Variants in LEMD3 observed in about 807,000 individuals in gnomAD.
The protein encoded by LEMD3 is LEM domain containing 3.
Under a neutral mutation model 95.2 loss-of-function variants are expected in LEMD3, and 33 were observed. The observed-to-expected ratio is 0.35, with a 90% CI of 0.26 to 0.46. The LOEUF (loss-of-function observed/expected upper bound fraction) is 0.46, where lower values mean the gene tolerates loss of function less well. Among genes scored for constraint, LEMD3 ranks in the 20% least tolerant of loss-of-function variants. The pLI, the probability that LEMD3 is intolerant of heterozygous loss-of-function variation, is 1.00. For missense variants in LEMD3, 1,210 were observed against 1,192.8 expected, an observed-to-expected ratio of 1.01 and a Z score of -0.21; for synonymous variants, 525 against 474.6, an observed-to-expected ratio of 1.11 and a Z score of -1.38.
intron 4 of LEMD3, among the ~76,000 whole-genome samples, chr12:65,232,862 T>A (rs1423200584): frequency 6.6e-6 from 1 of 152,120 alleles, no homozygotes; most frequent in East Asian, 1.9e-4. Flanking sequence ...TTTAACACAA[T>A]GAATATGTTT....
In LEMD3 at chr12:65,170,289, C is replaced by G; in HGVS notation, c.693C>G (p.Asp231Glu). 1 of 1,575,708 alleles carries G rather than the reference C, an allele frequency of 6.3e-7. No homozygotes were observed. The highest frequency in any genetic ancestry group is 8.6e-7 in the Non-Finnish European group (1 of 1,160,930). The part of the protein sequence containing the change: ...EGEGEDGEER[D>E]PETEEPLWAS... The stretch of plus-strand genomic sequence containing the variant: ...AGGGAGAGGACGGTGAGGAGAGGGA[C>G]CCGGAGACCGAGGAGCCGCTCTGGG... The change falls in exon 1 of 13, where the codon GAC (aspartate) becomes GAG (glutamate). Residue 231 changes from aspartate to glutamate, a missense_variant. Transcript: ENST00000308330.
chr12:65,234,760 C>G (rs529787283), intron 4 of LEMD3, among the ~76,000 whole-genome samples: 2 of 152,114 alleles, frequency 1.3e-5, no homozygotes, highest in Non-Finnish European at 2.9e-5. Context: ...TTCATTCCTC[C>G]TCGTACTTAG....
Position 65,218,591 on chromosome 12 carries a change from C to G in LEMD3, c.1667C>G (p.Ser556Cys). The G allele has an allele frequency of 1.2e-6, 2 of 1,606,198 alleles. No individual in the cohort carries two copies. The highest frequency in any genetic ancestry group is 1.3e-5 in the African/African-American group (1 of 74,828). ...ECGSSSQRTL[S>C]VQEAAAYLKD... ...GGCAGTTCTAGTCAAAGAACGCTTT[C>G]TGTTCAAGAGGCAGCTGCGTATTTA... Residue 556 changes from serine to cysteine, a missense_variant, in exon 4 of 13, where the codon TCT becomes TGT. By Grantham distance (112) the Ser-to-Cys change is moderately radical. This residue lies in a region of LEMD3 where 461 missense variants were observed against 569.8 expected (regional missense o/e 0.81). Coordinates refer to ENST00000308330, the MANE Select transcript of LEMD3 (RefSeq NM_014319.5).
At chr12:65,236,042 T>G (rs1314113373) in intron 4 of LEMD3, among the ~76,000 whole-genome samples, 2 of 152,176 alleles carry the variant, frequency 1.3e-5, no homozygotes, top group Non-Finnish European at 2.9e-5. Context: ...TTATAAAACT[T>G]TTTATTACAT....
intron 1 of LEMD3, 57 bp downstream of exon 1, chr12:65,171,175 T>C: frequency 4.4e-6 from 7 of 1,598,852 alleles, no homozygotes; most frequent in Non-Finnish European, 5.9e-6. Flanking sequence ...GTGGTCCGCT[T>C]TAGCCGCGCT....
intron 9 of LEMD3, among the ~76,000 whole-genome samples, chr12:65,242,682 A>G (rs1389493822): frequency 6.6e-6 from 1 of 152,144 alleles, no homozygotes; most frequent in Non-Finnish European, 1.5e-5. Context: ...GGCCTGTCTT[A>G]CCCACATCAT....
intron 1 of LEMD3, 160 bp downstream of exon 1, chr12:65,171,278 C>G: frequency 7.8e-7 from 1 of 1,280,016 alleles, no homozygotes; most frequent in Non-Finnish European, 1.1e-6. Context: ...TTAAAGAACA[C>G]CATTATCGAA....
chr12:65,229,844 C>A (rs956765809), intron 4 of LEMD3, among the ~76,000 whole-genome samples: 1 of 152,150 alleles, frequency 6.6e-6, no homozygotes, highest in Non-Finnish European at 1.5e-5. Context: ...TTTGCTATAA[C>A]ACCATTTATT....
intron 10 of LEMD3, among the ~76,000 whole-genome samples, chr12:65,244,293 C>CA (rs71434076): frequency 7.8e-6 from 1 of 127,420 alleles, no homozygotes; most frequent in Non-Finnish European, 1.5e-5. Context: ...ACACCCCCCC[C>CA]ACACACACAG....
chr12:65,231,258 G>A (rs1294840693), intron 4 of LEMD3, among the ~76,000 whole-genome samples: 2 of 151,990 alleles, frequency 1.3e-5, no homozygotes, highest in South Asian at 2.1e-4. Flanking sequence ...CACCATAGAC[G>A]CAGTTTGTAC....
At chr12:65,196,122 G>A (rs1869421441) in intron 1 of LEMD3, among the ~76,000 whole-genome samples, 1 of 151,134 alleles carries the variant, frequency 6.6e-6, no homozygotes, top group Non-Finnish European at 1.5e-5. Context: ...CATTTGTCTA[G>A]CTTTTCATCT....
chr12:65,202,645 G>A (rs1869640845), intron 1 of LEMD3, among the ~76,000 whole-genome samples: 1 of 152,124 alleles, frequency 6.6e-6, no homozygotes, highest in African/African-American at 2.4e-5. Flanking sequence ...ATTGGTATAA[G>A]TTTTTCTTTA....
chr12:65,184,054 A>C (rs998340083), intron 1 of LEMD3, among the ~76,000 whole-genome samples: 1 of 152,156 alleles, frequency 6.6e-6, no homozygotes, highest in Admixed American at 6.5e-5. Flanking sequence ...AAGTTTTCTA[A>C]GGGTTTCAGT....
chr12:65,231,577 G>T (rs1446210032), intron 4 of LEMD3, among the ~76,000 whole-genome samples: 1 of 152,066 alleles, frequency 6.6e-6, no homozygotes, highest in African/African-American at 2.4e-5. Flanking sequence ...TAGACCCTCT[G>T]TAGTCCCAGC....
rs1871098223 is a variant in LEMD3, at chr12:65,246,174, C to T, written c.2585C>T (p.Thr862Ile). Residue 862 changes from threonine (T) to isoleucine (I), a missense_variant, in exon 13 of 13, where the codon ACA (threonine) becomes ATA (isoleucine). Physicochemically the swap from Thr to Ile is moderately conservative, Grantham distance 89 (BLOSUM62 -1). This residue lies in a region of LEMD3 where 461 missense variants were observed against 569.8 expected (regional missense o/e 0.81). Coordinates refer to ENST00000308330, the MANE Select transcript of LEMD3 (RefSeq NM_014319.5). The stretch of plus-strand genomic sequence containing the variant: ...TATCTTACAACAGGGAAATTGGTTA[C>T]AGTAAAATATTTACGACTAGATAGA... ...HGSWFDGKLV[T>I]VKYLRLDRYH... 6.2e-7 allele frequency: 1 copy of T among 1,609,500 alleles called. No homozygotes were observed. Among genetic ancestry groups the T allele is most frequent in the Non-Finnish European group, 8.5e-7 (1 of 1,176,722 alleles).
At chr12:65,222,321 C>G (rs1870315360) in intron 4 of LEMD3, among the ~76,000 whole-genome samples, 1 of 151,958 alleles carries the variant, frequency 6.6e-6, no homozygotes, top group African/African-American at 2.4e-5. Context: ...TGATCCTTTT[C>G]ATGTGCTTTT....
chr12:65,232,335 T>C (rs966438204), intron 4 of LEMD3, among the ~76,000 whole-genome samples: 1 of 152,106 alleles, frequency 6.6e-6, no homozygotes, highest in Admixed American at 6.6e-5. Flanking sequence ...CAGCAACACA[T>C]TTAAGTTTTT....
intron 4 of LEMD3, among the ~76,000 whole-genome samples, chr12:65,227,686 C>T (rs556126832): frequency 2.6e-5 from 4 of 151,394 alleles, no homozygotes; most frequent in East Asian, 1.9e-4. Context: ...GCTTTGAATG[C>T]GGCCCAACAC....
chr12:65,201,061 T>G (rs576936499), intron 1 of LEMD3, among the ~76,000 whole-genome samples: 1 of 152,280 alleles, frequency 6.6e-6, no homozygotes, highest in South Asian at 2.1e-4. Context: ...AAACTATCTT[T>G]GCTCCATTAT....
Sources: allele counts gnomAD v4.1 joint callset (sites outside exome capture counted in the v4.1 genomes callset), GRCh38; gene constraint gnomAD v4.1.1; regional missense constraint gnomAD v4.1.1; transcripts MANE v1.5; gene names NCBI Gene and HGNC (gene_info 2026-07-23, HGNC 2026-07-21).